RTRAF: variants seen among roughly 807,000 people sequenced by gnomAD.
RTRAF encodes the protein RNA transcription, translation and transport factor, also known as tRNA-splicing ligase complex subunit RTRAF.
A neutral mutation model predicts 34.4 loss-of-function variants in RTRAF; 14 were observed. The ratio of observed to expected loss-of-function variants is 0.41; its 90% confidence interval spans 0.27 to 0.64. The LOEUF is 0.64. Ranked by LOEUF, RTRAF falls within the 30% of genes least tolerant of loss-of-function variation. The pLI is 0.34. For synonymous variants in RTRAF, 96 were observed against 95.3 expected (o/e 1.01, Z -0.04); for missense variants, 291 against 288.4 (o/e 1.01, Z -0.06).
At chr14:51,995,233 C>T (rs1314593203) in intron 3 of RTRAF, among the ~76,000 whole-genome samples, 1 of 151,702 alleles carries the variant, frequency 6.6e-6, no homozygotes, top group Non-Finnish European at 1.5e-5. Flanking sequence ...CCAACATTAG[C>T]CTCACTGGGT....
At chr14:52,002,743 A>G (rs1890619802) in intron 6 of RTRAF, among the ~76,000 whole-genome samples, 1 of 152,166 alleles carries the variant, frequency 6.6e-6, no homozygotes, top group African/African-American at 2.4e-5. Flanking sequence ...CTTGGGCACA[A>G]CTATGTTGTT....
chr14:51,989,612 C>G lies in RTRAF; in HGVS notation c.-28C>G, dbSNP rs747158138. On this transcript the variant is annotated 5_prime_UTR_variant, in exon 1 of 8. Transcript: ENST00000261700. Reference sequence around the variant, plus strand: ...CGCTTCTTCTCTCCCGGCCGAGGCCCGGGGGACCAGAGCGAGAAGCGGGGA... The same window carrying G: ...CGCTTCTTCTCTCCCGGCCGAGGCCGGGGGGACCAGAGCGAGAAGCGGGGA... 14 of 1,588,450 alleles carry G rather than the reference C, an allele frequency of 8.8e-6. No homozygotes were observed. Among genetic ancestry groups the G allele is most frequent in the Non-Finnish European group, 1.1e-5 (13 of 1,168,076 alleles).
intron 6 of RTRAF, chr14:52,003,888 C>T (rs1890655786): frequency 6.7e-6 from 2 of 300,134 alleles, no homozygotes; most frequent in Non-Finnish European, 1.2e-5. Context: ...CCTTCCATAG[C>T]AGTAATGACA....
Position 52,010,492 on chromosome 14 carries a change from A to C in RTRAF, c.*5976A>C, listed in dbSNP as rs1000886833. The C allele has an allele frequency of 6.9e-5, 12 of 173,256 alleles. No individual in the cohort carries two copies. Among genetic ancestry groups the C allele is most frequent in the Non-Finnish European group, 8.8e-5 (7 of 79,700 alleles). The allele number at this position is 173,256 out of a possible 1,614,324, so 10.7% of individuals were successfully genotyped here. A position where few individuals can be genotyped will look rare whatever the true frequency, so the allele number is the denominator to read the frequency against. ...GTAGGTCAGCCCTACTGTGAGCGTC[A>C]ACCCTGGTTTCTAAATGTGCTGCTG... On this transcript the variant is annotated 3_prime_UTR_variant, in exon 8 of 8. Coordinates refer to ENST00000261700, the MANE Select transcript of RTRAF (RefSeq NM_016039.3).
Position 51,989,593 on chromosome 14 carries a change from T to C in RTRAF, c.-47T>C. On this transcript the variant is annotated 5_prime_UTR_variant, in exon 1 of 8. Transcript: ENST00000261700. The stretch of plus-strand genomic sequence containing the variant: ...TGCGCCTCCCGCTCCACCTCGCTTC[T>C]TCTCTCCCGGCCGAGGCCCGGGGGA... The C allele has an allele frequency of 6.4e-7, 1 of 1,558,088 alleles. No individual in the cohort carries two copies. Among genetic ancestry groups the C allele is most frequent in the South Asian group, 1.2e-5 (1 of 84,130 alleles).
chr14:51,995,116 A>C (rs1442181399), intron 3 of RTRAF, among the ~76,000 whole-genome samples: 1 of 152,036 alleles, frequency 6.6e-6, no homozygotes, highest in Non-Finnish European at 1.5e-5. Flanking sequence ...ACTGATACTC[A>C]GCTTTGATTC....
chr14:52,007,948 A>C lies in RTRAF; in HGVS notation c.*3432A>C, dbSNP rs1322023517. 6.2e-7 allele frequency: 1 copy of C among 1,611,998 alleles called. No homozygotes were observed. Among genetic ancestry groups the C allele is most frequent in the Non-Finnish European group, 8.5e-7 (1 of 1,179,446 alleles). ...TCAATTTTAGGAGCTTCTCTATTCC[A>C]GTCTGTCCAGTACAAGTTGCTGTAA... is the stretch of plus-strand genomic sequence containing the variant. On this transcript the variant is annotated 3_prime_UTR_variant, in exon 8 of 8. Transcript: ENST00000261700.
chr14:51,997,030 C>G (rs972663127), intron 3 of RTRAF, among the ~76,000 whole-genome samples: 4 of 151,850 alleles, frequency 2.6e-5, no homozygotes, highest in African/African-American at 9.7e-5. Flanking sequence ...GTGATGTGTT[C>G]TTTTTAGTGC....
intron 3 of RTRAF, among the ~76,000 whole-genome samples, chr14:51,997,439 A>C (rs1890538054): frequency 6.6e-6 from 1 of 151,846 alleles, no homozygotes; most frequent in South Asian, 2.1e-4. Context: ...TTTGCTGTTG[A>C]TACTGTTCCA....
chr14:51,989,647 G>T lies in RTRAF; in HGVS notation c.8G>T (p.Arg3Leu). 2.5e-6 allele frequency: 4 copies of T among 1,605,166 alleles called. No individual in the cohort carries two copies. The highest frequency in any genetic ancestry group is 3.4e-6 in the Non-Finnish European group (4 of 1,176,306). ...GAGCGAGAAGCGGGGACCATGTTCC[G>T]ACGCAAGTTGACGGCTCTCGACTAC... MF[R>L]RKLTALDYHN... The change falls in exon 1 of 8, where the codon CGA (arginine) becomes CTA (leucine). Residue 3 changes from arginine (R) to leucine (L), a missense_variant. Physicochemically the swap from Arg to Leu is moderately radical, Grantham distance 102. Coordinates refer to ENST00000261700, the MANE Select transcript of RTRAF (RefSeq NM_016039.3).
In RTRAF at chr14:52,009,127, C is replaced by T. The variant is rs536654682; in HGVS notation, c.*4611C>T. 2 of 152,248 alleles carry T rather than the reference C, an allele frequency of 1.3e-5. No individual in the cohort carries two copies. The highest frequency in any genetic ancestry group is 1.9e-4 in the East Asian group (1 of 5,180). The allele number at this position is 152,248 out of a possible 1,614,324, so 9.4% of individuals were successfully genotyped here. The stretch of plus-strand genomic sequence containing the variant: ...GGAGAGGAAGAAACCATAGGTTTCC[C>T]CTGTTGCGAATTTCATCCCTTATGC... On this transcript the variant is annotated 3_prime_UTR_variant, in exon 8 of 8. Coordinates refer to ENST00000261700, the MANE Select transcript of RTRAF (RefSeq NM_016039.3).
At position 52,010,641 on chromosome 14, in the gene RTRAF, A is replaced by G. The variant is rs1401918364; in HGVS notation, c.*6125A>G. On this transcript the variant is annotated 3_prime_UTR_variant, in exon 8 of 8. Coordinates refer to ENST00000261700, the MANE Select transcript of RTRAF (RefSeq NM_016039.3). ...TCTACATATCACATCACAGACTAAT[A>G]TTGTTTATACCAGTCTTGTTTCCTC... The G allele has an allele frequency of 1.6e-5, 7 of 444,090 alleles. No individual in the cohort carries two copies. Among genetic ancestry groups the G allele is most frequent in the Non-Finnish European group, 2.9e-5 (7 of 244,420 alleles). The allele number at this position is 444,090 out of a possible 1,614,324, so 27.5% of individuals were successfully genotyped here.
At chr14:51,998,457 G>A in intron 3 of RTRAF, 37 bp from the exon 4 acceptor site, 2 of 1,251,630 alleles carry the variant, frequency 1.6e-6, no homozygotes, top group Non-Finnish European at 2.2e-6. Context: ...ACCTTGAGTT[G>A]CAGTTGTACA....
At position 51,990,632 on chromosome 14, in the gene RTRAF, A is replaced by G. The variant is rs1021786602; in HGVS notation, c.62-685A>G. 2.0e-5 allele frequency among the ~76,000 whole-genome samples: 3 copies of G among 152,358 alleles called. No individual in the cohort carries two copies. In the East Asian group the frequency reaches 5.8e-4, roughly 29 times the overall value. On this transcript the variant is annotated intron_variant, in intron 1 of 7. Transcript: ENST00000261700. The stretch of plus-strand genomic sequence containing the variant: ...TTAACAAAAAAGTATCAGTGACAAT[A>G]GAGCCTTGTTCTGGATTGGAATCTT...
chr14:52,006,547 C>A lies in RTRAF; in HGVS notation c.*2031C>A. On this transcript the variant is annotated 3_prime_UTR_variant, in exon 8 of 8. Coordinates refer to ENST00000261700, the MANE Select transcript of RTRAF (RefSeq NM_016039.3). Reference sequence around the variant, plus strand: ...ATTTGTGGGGCTCACCTCCTCCAGTCTGTGTGGTAGAAGTGATCTGCATAG... The same window carrying A: ...ATTTGTGGGGCTCACCTCCTCCAGTATGTGTGGTAGAAGTGATCTGCATAG... 6.2e-7 allele frequency: 1 copy of A among 1,613,660 alleles called. No homozygotes were observed. Among genetic ancestry groups the A allele is most frequent in the South Asian group, 1.1e-5 (1 of 91,058 alleles).
intron 1 of RTRAF, among the ~76,000 whole-genome samples, chr14:51,990,188 T>C (rs1377291901): frequency 6.6e-6 from 1 of 152,094 alleles, no homozygotes; most frequent in Non-Finnish European, 1.5e-5. Context: ...CAGTACACAA[T>C]GAAATCAGGA....
intron 6 of RTRAF, among the ~76,000 whole-genome samples, chr14:52,003,601 C>T (rs567841019): frequency 2.0e-5 from 3 of 152,222 alleles, no homozygotes; most frequent in South Asian, 2.1e-4. Flanking sequence ...TTGGCATCAC[C>T]ATAGTCACCA....
rs1464511615 is a variant in RTRAF, at chr14:52,004,741, T to C, written c.*225T>C. On this transcript the variant is annotated 3_prime_UTR_variant, in exon 8 of 8. Coordinates refer to ENST00000261700, the MANE Select transcript of RTRAF (RefSeq NM_016039.3). ...GTTTGCATAAATCACCTTTCTCCTT[T>C]GTGGTTAAGGCATATATGCCAACCC... 4.8e-6 allele frequency: 2 copies of C among 419,902 alleles called. No individual in the cohort carries two copies. Among genetic ancestry groups the C allele is most frequent in the Non-Finnish European group, 8.3e-6 (2 of 240,866 alleles). 26.0% of individuals were successfully genotyped at this position (419,902 alleles called of 1,614,324 possible).
At position 52,008,125 on chromosome 14, in the gene RTRAF, G is replaced by A. The variant is rs188248871; in HGVS notation, c.*3609G>A. 367 of 596,480 alleles carry A rather than the reference G, an allele frequency of 6.2e-4. 1 individual carries two copies. In the Admixed American group the frequency reaches 7.8e-3, roughly 13 times the overall value. 36.9% of individuals were successfully genotyped at this position (596,480 alleles called of 1,614,324 possible). A position where few individuals can be genotyped will look rare whatever the true frequency, so the allele number is the denominator to read the frequency against. ...TTAGTAGTGTCTTGCTTCTTCTAGT[G>A]CATAGAGTATAGCAGAAGTGATAGG... On this transcript the variant is annotated 3_prime_UTR_variant, in exon 8 of 8. Transcript: ENST00000261700.
Sources: gnomAD v4.1 joint callset for allele counts (sites outside exome capture counted in the v4.1 genomes callset) on GRCh38, gnomAD v4.1.1 for gene constraint, MANE v1.5 for transcripts, NCBI Gene and HGNC (gene_info 2026-07-23, HGNC 2026-07-21) for gene names.